Variants in AKAP6 observed in about 807,000 individuals in gnomAD.
AKAP6 encodes A-kinase anchor protein 6.
A neutral mutation model predicts 188.5 loss-of-function variants in AKAP6; 58 were observed. That is an observed-to-expected ratio of 0.31 (90% confidence interval 0.25 to 0.38). AKAP6 has a LOEUF of 0.38. Among genes scored for constraint, AKAP6 ranks in the 10% least tolerant of loss-of-function variants. AKAP6 has a pLI of 1.00. For missense variants in AKAP6, 2,710 were observed against 2,740.0 expected (o/e 0.99, Z 0.24); for synonymous variants, 989 against 998.6 (o/e 0.99, Z 0.18).
intron 7 of AKAP6, among the ~76,000 whole-genome samples, chr14:32,632,017 G>A (rs1208786160): frequency 6.6e-6 from 1 of 152,010 alleles, no homozygotes; most frequent in Non-Finnish European, 1.5e-5. Flanking sequence ...ATTTTCAGCA[G>A]TATATTCATT....
intron 1 of AKAP6, among the ~76,000 whole-genome samples, chr14:32,346,837 G>T (rs1281816095): frequency 6.6e-6 from 1 of 152,160 alleles, no homozygotes; most frequent in Non-Finnish European, 1.5e-5. Flanking sequence ...AAGCCAATTT[G>T]GTTACACTCA....
intron 7 of AKAP6, among the ~76,000 whole-genome samples, chr14:32,609,956 G>A (rs1886287011): frequency 6.7e-6 from 1 of 148,514 alleles, no homozygotes. Context: ...GAAATCAAAA[G>A]CAGAAAAACT....
At chr14:32,550,708 A>G (rs1406789439) in intron 4 of AKAP6, among the ~76,000 whole-genome samples, 1 of 152,212 alleles carries the variant, frequency 6.6e-6, no homozygotes, top group Non-Finnish European at 1.5e-5. Context: ...AGAGGATATT[A>G]CTTAATATCT....
At chr14:32,719,157 T>C (rs2030392854) in intron 9 of AKAP6, among the ~76,000 whole-genome samples, 1 of 145,658 alleles carries the variant, frequency 6.9e-6, no homozygotes, top group Non-Finnish European at 1.5e-5. Context: ...TTAAAAATAC[T>C]CTGCCAAAAA....
chr14:32,596,645 T>C (rs145403911), intron 5 of AKAP6, among the ~76,000 whole-genome samples: 42 of 152,308 alleles, frequency 2.8e-4, no homozygotes, highest in African/African-American at 9.4e-4. Flanking sequence ...CCTATGGCAA[T>C]ATTCTTGCCA....
chr14:32,521,064 A>T (rs1450815359), intron 2 of AKAP6, among the ~76,000 whole-genome samples: 3 of 152,230 alleles, frequency 2.0e-5, no homozygotes, highest in East Asian at 1.9e-4. Flanking sequence ...ATAATCCATC[A>T]TATAAACAGA....
intron 11 of AKAP6, among the ~76,000 whole-genome samples, chr14:32,763,650 A>G (rs2032611932): frequency 6.6e-6 from 1 of 152,204 alleles, no homozygotes. Context: ...AGATACATTG[A>G]TATAATTGAG....
At chr14:32,819,454 G>C (rs2034465573) in intron 12 of AKAP6, among the ~76,000 whole-genome samples, 1 of 152,198 alleles carries the variant, frequency 6.6e-6, no homozygotes, top group African/African-American at 2.4e-5. Context: ...CAACCAGACA[G>C]TTAAAATAAT....
chr14:32,607,156 T>C (rs1886157847), intron 7 of AKAP6, among the ~76,000 whole-genome samples: 1 of 152,174 alleles, frequency 6.6e-6, no homozygotes. Flanking sequence ...CTGGCTAATA[T>C]TTTCTTAGAA....
chr14:32,707,310 A>T (rs760737607), intron 9 of AKAP6, among the ~76,000 whole-genome samples: 6 of 152,124 alleles, frequency 3.9e-5, no homozygotes, highest in Non-Finnish European at 7.4e-5. Flanking sequence ...TCCTTCATAT[A>T]TGCCAAGTTT....
chr14:32,394,756 A>C (rs1185828050), intron 1 of AKAP6, among the ~76,000 whole-genome samples: 1 of 152,064 alleles, frequency 6.6e-6, no homozygotes, highest in Non-Finnish European at 1.5e-5. Flanking sequence ...ATGTAGTTTT[A>C]CCGTGATTTT....
intron 1 of AKAP6, among the ~76,000 whole-genome samples, chr14:32,403,747 T>C (rs960542324): frequency 6.6e-6 from 1 of 152,192 alleles, no homozygotes; most frequent in Non-Finnish European, 1.5e-5. Flanking sequence ...ACAGTAAACA[T>C]AATGTAAGTG....
intron 2 of AKAP6, among the ~76,000 whole-genome samples, chr14:32,525,676 A>T (rs1245876311): frequency 6.6e-6 from 1 of 152,234 alleles, no homozygotes; most frequent in African/African-American, 2.4e-5. Context: ...TCAGAAAGAA[A>T]TTTAAGCTAC....
intron 2 of AKAP6, among the ~76,000 whole-genome samples, chr14:32,441,852 T>C (rs1340366106): frequency 2.6e-5 from 4 of 152,160 alleles, no homozygotes; most frequent in African/African-American, 9.7e-5. Flanking sequence ...ATGAAAACAG[T>C]TTAGAGAAAG....
At chr14:32,531,861 A>G (rs751147531) in intron 2 of AKAP6, among the ~76,000 whole-genome samples, 1 of 152,210 alleles carries the variant, frequency 6.6e-6, no homozygotes, top group Non-Finnish European at 1.5e-5. Context: ...TAGGCATACC[A>G]TAGTTCATTT....
At position 32,603,811 on chromosome 14, in the gene AKAP6, A is replaced by G. The variant is rs1449822127; in HGVS notation, c.2730+3019A>G. Among the ~76,000 whole-genome samples the G allele has an allele frequency of 2.6e-5, 4 of 152,220 alleles. No individual in the cohort carries two copies. In the East Asian group the frequency reaches 7.7e-4, roughly 29 times the overall value. On this transcript the variant is annotated intron_variant, in intron 7 of 13. Coordinates refer to ENST00000280979, the MANE Select transcript of AKAP6 (RefSeq NM_004274.5). ...TACATAACCATAAAAATAATGTTTTAGAAGAGAATTGGAAATACTGGAGGA... is the reference window on the plus strand; with the variant it reads ...TACATAACCATAAAAATAATGTTTTGGAAGAGAATTGGAAATACTGGAGGA...
chr14:32,808,432 G>C (rs1481962682), intron 12 of AKAP6, among the ~76,000 whole-genome samples: 1 of 152,190 alleles, frequency 6.6e-6, no homozygotes, highest in African/African-American at 2.4e-5. Context: ...AAATTATCAA[G>C]GGTGGAGAAA....
intron 7 of AKAP6, among the ~76,000 whole-genome samples, chr14:32,644,904 G>C (rs990055669): frequency 3.9e-5 from 6 of 152,088 alleles, no homozygotes; most frequent in African/African-American, 1.4e-4. Flanking sequence ...TAAAAAGCCA[G>C]CATGATATTT....
At chr14:32,525,807 A>G (rs1464200980) in intron 2 of AKAP6, among the ~76,000 whole-genome samples, 13 of 152,212 alleles carry the variant, frequency 8.5e-5, no homozygotes, top group Non-Finnish European at 1.9e-4. Flanking sequence ...GGCATTATAG[A>G]TAACCAAGAC....
Sources: allele counts gnomAD v4.1 joint callset (sites outside exome capture counted in the v4.1 genomes callset), GRCh38; gene constraint gnomAD v4.1.1; transcripts MANE v1.5; gene names NCBI Gene and HGNC (gene_info 2026-07-23, HGNC 2026-07-21).